Variants in ELK3 observed in about 807,000 individuals in gnomAD.
ELK3 encodes ETS domain-containing protein Elk-3.
ELK3 carries 10 observed loss-of-function variants against 28.9 expected under a neutral mutation model. The observed-to-expected ratio is 0.35, with a 90% CI of 0.21 to 0.59. ELK3 has a LOEUF of 0.59. Among genes scored for constraint, ELK3 ranks in the 20% least tolerant of loss-of-function variants. The pLI is 0.82. For missense variants in ELK3, 463 were observed against 517.3 expected, an observed-to-expected ratio of 0.90 and a Z score of 1.02; for synonymous variants, 272 against 243.5, an observed-to-expected ratio of 1.12 and a Z score of -1.09.
intron 1 of ELK3, among the ~76,000 whole-genome samples, chr12:96,208,672 C>T (rs1206793066): frequency 1.3e-5 from 2 of 152,174 alleles, no homozygotes; most frequent in African/African-American, 4.8e-5. Context: ...AAATGACCTC[C>T]AAGGAGCCTA....
In ELK3 at chr12:96,268,776, G is replaced by C. The variant is rs1304553095; in HGVS notation, c.*1596G>C. 6.6e-6 allele frequency: 1 copy of C among 152,170 alleles called. No homozygotes were observed. The highest frequency in any genetic ancestry group is 1.5e-5 in the Non-Finnish European group (1 of 68,038). 9.4% of individuals were successfully genotyped at this position (152,170 alleles called of 1,614,324 possible). A position where few individuals can be genotyped will look rare whatever the true frequency, so the allele number is the denominator to read the frequency against. On this transcript the variant is annotated 3_prime_UTR_variant, in exon 5 of 5. Coordinates refer to ENST00000228741, the MANE Select transcript of ELK3 (RefSeq NM_005230.4). ...ATCTAGACTATTGCTTTGACACTTA[G>C]AAATTCTGAGGTTTTTCAATTGGAA...
intron 4 of ELK3, among the ~76,000 whole-genome samples, chr12:96,263,014 C>T (rs765527396): frequency 2.0e-5 from 3 of 151,892 alleles, no homozygotes; most frequent in Non-Finnish European, 2.9e-5. Context: ...CTTTCATGTA[C>T]GCTATAGATG....
intron 3 of ELK3, among the ~76,000 whole-genome samples, chr12:96,252,602 T>C (rs193117155): frequency 3.3e-5 from 5 of 152,176 alleles, no homozygotes; most frequent in East Asian, 3.9e-4. Context: ...CAAGACTTCA[T>C]TGGAGGAGGG....
At chr12:96,231,749 G>A (rs1280356255) in intron 2 of ELK3, among the ~76,000 whole-genome samples, 3 of 152,138 alleles carry the variant, frequency 2.0e-5, no homozygotes, top group Non-Finnish European at 2.9e-5. Context: ...CTCCCAAAGC[G>A]CTGGGATTGC....
At position 96,267,196 on chromosome 12, in the gene ELK3, A is replaced by AT. The variant is rs1565795509; in HGVS notation, c.*18dup. On this transcript the variant is annotated 3_prime_UTR_variant, in exon 5 of 5. Transcript: ENST00000228741. The stretch of plus-strand genomic sequence containing the variant: ...GAAATCCTGATGACGTCTGGCCACA[A>AT]TTAAGGACTCATTAACTGATGAAAC... The AT allele has an allele frequency of 6.8e-6, 11 of 1,606,618 alleles. No homozygotes were observed. Among genetic ancestry groups the AT allele is most frequent in the Non-Finnish European group, 8.5e-6 (10 of 1,176,034 alleles).
intron 1 of ELK3, among the ~76,000 whole-genome samples, chr12:96,211,484 TGTTTGTG>T (rs1391352753): frequency 3.2e-5 from 1 of 31,182 alleles, no homozygotes; most frequent in Non-Finnish European, 5.8e-5. Flanking sequence ...TGTCATTGTG[TGTTTGTG>T]TGTGTGTGTG....
At chr12:96,262,139 A>T (rs1358561178) in intron 4 of ELK3, among the ~76,000 whole-genome samples, 4 of 150,932 alleles carry the variant, frequency 2.7e-5, no homozygotes, top group Non-Finnish European at 4.4e-5. Context: ...TTGCTTCAGC[A>T]TCCCAAATAG....
intron 2 of ELK3, among the ~76,000 whole-genome samples, chr12:96,244,882 G>A: frequency 6.6e-6 from 1 of 152,316 alleles, no homozygotes; most frequent in African/African-American, 2.4e-5. Flanking sequence ...CAAAGTCCAG[G>A]TGGAAAACAT....
At chr12:96,229,501 C>T (rs1210699979) in intron 2 of ELK3, among the ~76,000 whole-genome samples, 2 of 151,022 alleles carry the variant, frequency 1.3e-5, no homozygotes, top group Non-Finnish European at 3.0e-5. Flanking sequence ...ACGTTCTCCC[C>T]ATTCTGTGTG....
intron 2 of ELK3, among the ~76,000 whole-genome samples, chr12:96,237,446 T>C (rs1284400388): frequency 1.3e-5 from 2 of 152,212 alleles, no homozygotes; most frequent in African/African-American, 4.8e-5. Context: ...GAGTCTCTTA[T>C]GGCCAGCTGA....
intron 1 of ELK3, among the ~76,000 whole-genome samples, chr12:96,203,945 T>C (rs1412988899): frequency 6.6e-6 from 1 of 152,124 alleles, no homozygotes; most frequent in East Asian, 1.9e-4. Flanking sequence ...TGTCTCAAAA[T>C]GAAAACCCAT....
intron 2 of ELK3, among the ~76,000 whole-genome samples, chr12:96,232,099 G>C (rs1592680699): frequency 6.6e-6 from 1 of 152,292 alleles, no homozygotes; most frequent in African/African-American, 2.4e-5. Context: ...AAAGTTAGAA[G>C]GGATATACCA....
intron 1 of ELK3, among the ~76,000 whole-genome samples, chr12:96,195,445 GTT>G (rs1476879923): frequency 6.6e-6 from 1 of 152,182 alleles, no homozygotes; most frequent in Admixed American, 6.5e-5. Context: ...CCCCATCCCT[GTT>G]TACCTTCGAA....
intron 2 of ELK3, among the ~76,000 whole-genome samples, chr12:96,229,532 T>TTC (rs1951726583): frequency 7.2e-6 from 1 of 139,532 alleles, no homozygotes; most frequent in Non-Finnish European, 1.6e-5. Flanking sequence ...CCTTTTTTTT[T>TTC]TTTTTTTTTT....
chr12:96,250,303 G>C (rs917957890), intron 3 of ELK3, among the ~76,000 whole-genome samples: 3 of 152,216 alleles, frequency 2.0e-5, no homozygotes, highest in Admixed American at 1.3e-4. Context: ...GGCAATGAGG[G>C]AGACACCAGA....
chr12:96,237,440 C>G (rs977160912), intron 2 of ELK3, among the ~76,000 whole-genome samples: 6 of 152,204 alleles, frequency 3.9e-5, no homozygotes, highest in Admixed American at 3.9e-4. Context: ...GTAGCAGAGT[C>G]TCTTATGGCC....
intron 1 of ELK3, among the ~76,000 whole-genome samples, chr12:96,215,539 A>G (rs1423842324): frequency 3.3e-5 from 5 of 152,180 alleles, no homozygotes; most frequent in Admixed American, 1.3e-4. Context: ...ATTTCTGTCA[A>G]TAGCATCTTT....
At chr12:96,243,686 T>TA (rs1297093997) in intron 2 of ELK3, among the ~76,000 whole-genome samples, 11 of 151,824 alleles carry the variant, frequency 7.2e-5, no homozygotes, top group Admixed American at 1.3e-4. Flanking sequence ...CCATCTCTAC[T>TA]AAAAAAAATT....
At chr12:96,211,487 T>TTG (rs201554119) in intron 1 of ELK3, among the ~76,000 whole-genome samples, 1,587 of 54,446 alleles carry the variant, frequency 0.029, 10 homozygotes, top group African/African-American at 0.053. Flanking sequence ...CATTGTGTGT[T>TTG]TGTGTGTGTG....
Sources: gnomAD v4.1 joint callset for allele counts (sites outside exome capture counted in the v4.1 genomes callset) on GRCh38, gnomAD v4.1.1 for gene constraint, MANE v1.5 for transcripts, NCBI Gene and HGNC (gene_info 2026-07-23, HGNC 2026-07-21) for gene names.